XRCC6: variants seen among roughly 807,000 people sequenced by gnomAD.
XRCC6 encodes the protein DNA repair protein Ku70.
In XRCC6, 5 loss-of-function variants were observed where a neutral mutation model predicts 65.7. The ratio of observed to expected loss-of-function variants is 0.08; its 90% CI spans 0.04 to 0.16. XRCC6 has a LOEUF of 0.16. Ranked by LOEUF, XRCC6 falls within the 10% of genes least tolerant of loss-of-function variation. The pLI, the probability that XRCC6 is intolerant of heterozygous loss-of-function variation, is 1.00. For synonymous variants in XRCC6, 270 were observed against 270.6 expected, an observed-to-expected ratio of 1.00 and a Z score of 0.02; for missense variants, 447 against 738.1, an observed-to-expected ratio of 0.61 and a Z score of 4.57.
At chr22:41,639,803 C>T (rs1475452830) in intron 6 of XRCC6, among the ~76,000 whole-genome samples, 3 of 151,068 alleles carry the variant, frequency 2.0e-5, no homozygotes, top group Non-Finnish European at 2.9e-5. Flanking sequence ...GCTGGGACTA[C>T]AGGCGCCTGC....
intron 3 of XRCC6, among the ~76,000 whole-genome samples, chr22:41,635,686 G>A (rs1386111156): frequency 6.9e-6 from 1 of 145,520 alleles, no homozygotes; most frequent in African/African-American, 2.5e-5. Context: ...ACCCTGTGCT[G>A]CCATGCCCAG....
chr22:41,641,255 T>C (rs1053960864), intron 6 of XRCC6, among the ~76,000 whole-genome samples: 32 of 152,176 alleles, frequency 2.1e-4, no homozygotes, highest in African/African-American at 5.3e-4. Context: ...ATTGGAGATA[T>C]TGAGAACTAA....
At chr22:41,632,834 A>G (rs1410446932) in intron 3 of XRCC6, among the ~76,000 whole-genome samples, 2 of 151,344 alleles carry the variant, frequency 1.3e-5, no homozygotes, top group Non-Finnish European at 2.9e-5. Flanking sequence ...TGGAAAAAAA[A>G]AAAAAAAGAA....
In XRCC6 at chr22:41,658,341, T is replaced by C. The variant is rs2068064678; in HGVS notation, c.1511T>C (p.Val504Ala). The C allele has an allele frequency of 1.9e-6, 3 of 1,614,138 alleles. No homozygotes were observed. Among genetic ancestry groups the C allele is most frequent in the Non-Finnish European group, 2.5e-6 (3 of 1,180,006 alleles). Residue 504 changes from valine to alanine, a missense_variant, in exon 11 of 13, where the codon GTG becomes GCG. Val to Ala is a moderately conservative substitution (Grantham distance 64, BLOSUM62 0). Coordinates refer to ENST00000360079, the MANE Select transcript of XRCC6 (RefSeq NM_001469.5). ...GATTTGATGGAGCCGGAACAAGCAG[T>C]GGACCTGACATGTAAGGAGGTTGAA... is the stretch of plus-strand genomic sequence containing the variant. ...ALDLMEPEQA[V>A]DLTLPKVEAM...
At chr22:41,625,702 T>A (rs1376465338) in intron 2 of XRCC6, among the ~76,000 whole-genome samples, 1 of 152,166 alleles carries the variant, frequency 6.6e-6, no homozygotes, top group Non-Finnish European at 1.5e-5. Context: ...AGGTGGCTCA[T>A]GCCTGTAATC....
intron 8 of XRCC6, among the ~76,000 whole-genome samples, chr22:41,651,243 A>G (rs1203212469): frequency 6.6e-6 from 1 of 151,698 alleles, no homozygotes; most frequent in Non-Finnish European, 1.5e-5. Flanking sequence ...GGTTGCAGTG[A>G]GCTGAGATCA....
chr22:41,654,068 G>T (rs2068024344), intron 9 of XRCC6, among the ~76,000 whole-genome samples: 1 of 152,094 alleles, frequency 6.6e-6, no homozygotes, highest in South Asian at 2.1e-4. Context: ...CAACCATGGG[G>T]TTTGCCAAGA....
intron 7 of XRCC6, among the ~76,000 whole-genome samples, chr22:41,649,629 C>T (rs968642577): frequency 1.2e-4 from 18 of 151,408 alleles, no homozygotes; most frequent in South Asian, 6.3e-4. Flanking sequence ...CTGAGGCGGG[C>T]GGATCACGAG....
intron 11 of XRCC6, among the ~76,000 whole-genome samples, chr22:41,659,873 A>G (rs2068083745): frequency 6.6e-6 from 1 of 151,582 alleles, no homozygotes; most frequent in Non-Finnish European, 1.5e-5. Flanking sequence ...TTTGGTAGAG[A>G]TGGGGGTTCA....
chr22:41,659,035 T>C (rs184137951), intron 11 of XRCC6, among the ~76,000 whole-genome samples: 1 of 152,304 alleles, frequency 6.6e-6, no homozygotes, highest in East Asian at 1.9e-4. Flanking sequence ...GTGGCTTACG[T>C]CTGCCTCCTA....
intron 1 of XRCC6, 46 bp from the exon 2 acceptor site, chr22:41,621,944 T>G (rs2067611650): frequency 3.8e-6 from 6 of 1,588,486 alleles, no homozygotes; most frequent in Non-Finnish European, 5.2e-6. Flanking sequence ...TCGGTATTTT[T>G]TCGATTTAAA....
At chr22:41,637,840 G>A (rs2067825877) in intron 6 of XRCC6, 49 bp downstream of exon 6, 12 of 1,572,206 alleles carry the variant, frequency 7.6e-6, no homozygotes, top group Non-Finnish European at 9.5e-6. Context: ...TAAATCAGAA[G>A]CAGGCTGGGC....
At chr22:41,646,035 A>G (rs2067928725) in intron 6 of XRCC6, among the ~76,000 whole-genome samples, 1 of 151,962 alleles carries the variant, frequency 6.6e-6, no homozygotes, top group Non-Finnish European at 1.5e-5. Flanking sequence ...CAAACATGGT[A>G]GCTCACACCT....
intron 6 of XRCC6, among the ~76,000 whole-genome samples, chr22:41,644,384 A>G (rs1386250997): frequency 6.6e-6 from 1 of 152,188 alleles, no homozygotes; most frequent in Admixed American, 6.5e-5. Flanking sequence ...TGTGCTTGAG[A>G]AGAATGTGTA....
At chr22:41,642,422 A>G (rs1027977898) in intron 6 of XRCC6, among the ~76,000 whole-genome samples, 12 of 151,954 alleles carry the variant, frequency 7.9e-5, no homozygotes, top group South Asian at 6.2e-4. Flanking sequence ...TTTGTCGATC[A>G]TTTCCTTTGT....
chr22:41,653,689 A>G lies in XRCC6; in HGVS notation c.1290A>G (p.Pro430=). Residue 430 remains proline (P), a splice_region_variant and synonymous_variant, in exon 9 of 13, where the codon CCA becomes CCG. Transcript: ENST00000360079. ...ACCAGAAAATTCAGGTGACTCCTCCAGGTATGTGGCAGAGATATTTCCAGG... is the reference window on the plus strand; with the variant it reads ...ACCAGAAAATTCAGGTGACTCCTCCGGGTATGTGGCAGAGATATTTCCAGG... ...LDDQKIQVTP[P]GFQLVFLPFA... 4.3e-6 allele frequency: 7 copies of G among 1,613,500 alleles called. No individual in the cohort carries two copies. Among genetic ancestry groups the G allele is most frequent in the Non-Finnish European group, 5.9e-6 (7 of 1,179,474 alleles).
intron 12 of XRCC6, chr22:41,661,720 G>C (rs1359905752): frequency 5.4e-6 from 2 of 371,538 alleles, no homozygotes; most frequent in Admixed American, 4.4e-5. Flanking sequence ...ATATGATCCA[G>C]CATACCATAT....
chr22:41,663,474 G>A (rs2068118392), intron 12 of XRCC6, 148 bp from the exon 13 acceptor site: 3 of 844,430 alleles, frequency 3.6e-6, no homozygotes, highest in African/African-American at 1.7e-5. Context: ...ACCTTATCGA[G>A]ATAAGTCTTC....
intron 3 of XRCC6, among the ~76,000 whole-genome samples, chr22:41,634,102 C>T (rs1489420418): frequency 1.3e-5 from 2 of 152,014 alleles, no homozygotes; most frequent in South Asian, 2.1e-4. Context: ...TAGCTGTGGA[C>T]GAAGGCCAGC....
Sources: allele counts gnomAD v4.1 joint callset (sites outside exome capture counted in the v4.1 genomes callset), GRCh38; gene constraint gnomAD v4.1.1; transcripts MANE v1.5; gene names NCBI Gene and HGNC (gene_info 2026-07-23, HGNC 2026-07-21).